The following HYAL4 variants were observed in gnomAD, a reference collection of about 807,000 sequenced individuals.
HYAL4 encodes hyaluronidase 4.
Under a neutral mutation model 35.2 loss-of-function variants are expected in HYAL4, and 37 were observed. That is an observed-to-expected ratio of 1.05 (90% CI 0.81 to 1.38). The LOEUF is 1.38. Ranked by LOEUF, HYAL4 falls within the 40% of genes most tolerant of loss-of-function variation. The probability of loss-of-function intolerance (pLI) is 0.00; values close to 1 mark genes in which losing one functional copy is unlikely to be tolerated. For missense variants in HYAL4, 572 were observed against 572.4 expected (o/e 1.00, Z 0.01); for synonymous variants, 198 against 203.2 (o/e 0.97, Z 0.22).
chr7:123,785,367 G>A, the HYAL4 span, among the ~76,000 whole-genome samples: 24 of 152,180 alleles, frequency 1.6e-4, no homozygotes, highest in Admixed American at 3.3e-4. The surrounding 1 kb of genome is among the most constrained non-coding windows in gnomAD (Gnocchi z 4.5). Context: ...GATTACAGGC[G>A]TAAGCCACTG....
the HYAL4 span, among the ~76,000 whole-genome samples, chr7:123,806,464 A>G: frequency 1.3e-5 from 2 of 150,470 alleles, no homozygotes; most frequent in African/African-American, 2.4e-5. Flanking sequence ...TTTTTTTGGG[A>G]CGGAGTTTCA....
chr7:123,860,723 T>G (rs926953806), intron 2 of HYAL4, among the ~76,000 whole-genome samples: 21 of 152,206 alleles, frequency 1.4e-4, no homozygotes, highest in African/African-American at 5.1e-4. Context: ...AGTGCTACAA[T>G]GAATTACATA....
At chr7:123,815,094 A>T in the HYAL4 span, 1 of 152,624 alleles carries the variant, frequency 6.6e-6, no homozygotes, top group Non-Finnish European at 1.5e-5. Flanking sequence ...TAACTATATA[A>T]AGCCTATACA....
the HYAL4 span, among the ~76,000 whole-genome samples, chr7:123,816,793 C>T: frequency 6.6e-6 from 1 of 151,918 alleles, no homozygotes; most frequent in Non-Finnish European, 1.5e-5. Flanking sequence ...TATCATATAT[C>T]AAAAAACAGT....
At chr7:123,799,390 A>G in the HYAL4 span, among the ~76,000 whole-genome samples, 1 of 151,358 alleles carries the variant, frequency 6.6e-6, no homozygotes, top group Non-Finnish European at 1.5e-5. Flanking sequence ...AAAATATAAT[A>G]CTATGGAAGG....
the HYAL4 span, among the ~76,000 whole-genome samples, chr7:123,793,192 A>G: frequency 6.6e-6 from 1 of 152,236 alleles, no homozygotes; most frequent in Non-Finnish European, 1.5e-5. Flanking sequence ...AGAGGGTCTC[A>G]TGCCATGCTC....
At position 123,877,203 on chromosome 7, in the gene HYAL4, A is replaced by G; in HGVS notation, c.*48A>G. 1.3e-6 allele frequency: 2 copies of G among 1,529,174 alleles called. No individual in the cohort carries two copies. The highest frequency in any genetic ancestry group is 2.5e-5 in the South Asian group (2 of 79,338). The allele number at this position is 1,529,174 out of a possible 1,614,324, so 94.7% of individuals were successfully genotyped here. A position where few individuals can be genotyped will look rare whatever the true frequency, so the allele number is the denominator to read the frequency against. ...TGTGTGGCCTCTAGCCTAGTCATTTAAAGAAGGATGTAACTTATAACATTT... is the reference window on the plus strand; with the variant it reads ...TGTGTGGCCTCTAGCCTAGTCATTTGAAGAAGGATGTAACTTATAACATTT... On this transcript the variant is annotated 3_prime_UTR_variant, in exon 5 of 5. Transcript: ENST00000223026.
intron 1 of HYAL4, chr7:123,829,361 A>T (rs1043710575): frequency 6.6e-6 from 1 of 152,132 alleles, no homozygotes; most frequent in Non-Finnish European, 1.5e-5. Context: ...GCTAAAAAAA[A>T]TTTTAGCCCT....
At chr7:123,840,553 A>G (rs188104807), upstream of HYAL4, among the ~76,000 whole-genome samples, 1 of 152,112 alleles carries the variant, frequency 6.6e-6, no homozygotes, top group African/African-American at 2.4e-5. Context: ...TGGGGATGGC[A>G]TTGAATCTAT....
rs1385911631 is a variant in HYAL4 at position 123,868,514 on chromosome 7, A to G, written c.241A>G (p.Lys81Glu). Reference sequence around the variant, plus strand: ...TCCTGTGATTGGAAGCCCACTGGCCAAGGCCAGGGGGCAAAATGTCACTAT... The same window carrying G: ...TCCTGTGATTGGAAGCCCACTGGCCGAGGCCAGGGGGCAAAATGTCACTAT... ...MFPVIGSPLA[K>E]ARGQNVTIFY... The change falls in exon 3 of 5, where the codon AAG becomes GAG. Residue 81 changes from lysine to glutamate, a missense_variant. Lys to Glu is a moderately conservative substitution (Grantham distance 56). Coordinates refer to ENST00000223026, the MANE Select transcript of HYAL4 (RefSeq NM_012269.3). 6.2e-7 allele frequency: 1 copy of G among 1,608,002 alleles called. No individual in the cohort carries two copies. The highest frequency in any genetic ancestry group is 2.2e-5 in the East Asian group (1 of 44,882).
the HYAL4 span, among the ~76,000 whole-genome samples, chr7:123,804,962 G>A: frequency 2.8e-4 from 43 of 152,152 alleles, no homozygotes; most frequent in Admixed American, 2.8e-3. Context: ...TGGAGGTGGG[G>A]TCTCCTAAGC....
intron 2 of HYAL4, among the ~76,000 whole-genome samples, chr7:123,856,166 G>A (rs1045391952): frequency 6.6e-6 from 1 of 151,924 alleles, no homozygotes; most frequent in Non-Finnish European, 1.5e-5. Flanking sequence ...GCTCAGAGGA[G>A]TTTGTTATTA....
chr7:123,817,148 A>G, the HYAL4 span, among the ~76,000 whole-genome samples: 1 of 152,088 alleles, frequency 6.6e-6, no homozygotes, highest in African/African-American at 2.4e-5. Context: ...AAGAATGCAG[A>G]TTGCACCATT....
chr7:123,876,675 G>A (rs986278906), intron 4 of HYAL4, 79 bp from the exon 5 acceptor site: 11 of 1,430,478 alleles, frequency 7.7e-6, no homozygotes, highest in African/African-American at 5.7e-5. Context: ...CAGTACCAGC[G>A]AGAAACACTA....
intron 3 of HYAL4, 114 bp downstream of exon 3, chr7:123,869,341 G>A (rs73441488): frequency 1.3e-6 from 1 of 746,298 alleles, no homozygotes; most frequent in African/African-American, 1.8e-5. Flanking sequence ...TGTTATATGG[G>A]AGCATAATTC....
chr7:123,874,615 C>T, intron 3 of HYAL4, 146 bp from the exon 4 acceptor site: 2 of 555,598 alleles, frequency 3.6e-6, no homozygotes, highest in Admixed American at 3.0e-5. Flanking sequence ...CTGTGTTGAC[C>T]AGGCTGGTCT....
chr7:123,826,963 G>A (rs1022703271), upstream of HYAL4, among the ~76,000 whole-genome samples: 1 of 152,134 alleles, frequency 6.6e-6, no homozygotes. Context: ...CTGAGATGGG[G>A]AAGTCTGGGA....
the HYAL4 span, among the ~76,000 whole-genome samples, chr7:123,821,514 T>G: frequency 6.6e-6 from 1 of 152,192 alleles, no homozygotes; most frequent in Non-Finnish European, 1.5e-5. Flanking sequence ...TATTTTTTGC[T>G]GAGTCATAGA....
chr7:123,849,799 G>A lies in HYAL4; in HGVS notation c.-52+1641G>A, dbSNP rs190472248. ...GGAGAATTGCTTGAACACAGGAGGC[G>A]GAGATTGCAGTGGACCGAGATCGCA... is the stretch of plus-strand genomic sequence containing the variant. On this transcript the variant is annotated intron_variant, in intron 2 of 4. Coordinates refer to ENST00000223026, the MANE Select transcript of HYAL4 (RefSeq NM_012269.3). 7.2e-5 allele frequency among the ~76,000 whole-genome samples: 11 copies of A among 152,108 alleles called. No homozygotes were observed. In the East Asian group the frequency reaches 1.2e-3, roughly 16 times the overall value.
Sources: allele counts gnomAD v4.1 joint callset (sites outside exome capture counted in the v4.1 genomes callset), GRCh38; gene constraint gnomAD v4.1.1; non-coding constraint Gnocchi (gnomAD v3.1); transcripts MANE v1.5; gene names NCBI Gene and HGNC (gene_info 2026-07-23, HGNC 2026-07-21).